Variants in LCORL observed in about 807,000 individuals in gnomAD.
LCORL encodes the protein ligand dependent nuclear receptor corepressor like.
A neutral mutation model predicts 141.8 loss-of-function variants in LCORL; 41 were observed. That is an observed-to-expected ratio of 0.29 (90% confidence interval 0.23 to 0.38). The LOEUF is 0.38. LCORL is among the 10% of genes least tolerant of loss of function. The pLI, the probability that LCORL is intolerant of heterozygous loss-of-function variation, is 1.00. For missense variants in LCORL, 1,759 were observed against 2,035.0 expected (o/e 0.86, Z 2.61); for synonymous variants, 618 against 694.1 (o/e 0.89, Z 1.72).
chr4:17,878,809 A>C (rs565165519), intron 6 of LCORL, among the ~76,000 whole-genome samples: 1 of 151,328 alleles, frequency 6.6e-6, no homozygotes, highest in Non-Finnish European at 1.5e-5. Context: ...GTTAAATACT[A>C]AAGTAATTTC....
At chr4:17,914,664 TC>T (rs1733112653) in intron 4 of LCORL, among the ~76,000 whole-genome samples, 1 of 152,144 alleles carries the variant, frequency 6.6e-6, no homozygotes, top group Non-Finnish European at 1.5e-5. Context: ...TAACTGAAGA[TC>T]TAGATGTAGG....
intron 7 of LCORL, among the ~76,000 whole-genome samples, chr4:17,852,965 T>A (rs11945055): frequency 0.2 from 30,654 of 151,550 alleles, 3,660 homozygotes; most frequent in African/African-American, 0.33. Context: ...CTTACAGGAA[T>A]CAAATTTTGG....
At chr4:17,980,825 G>A (rs960865325) in intron 1 of LCORL, among the ~76,000 whole-genome samples, 23 of 152,116 alleles carry the variant, frequency 1.5e-4, no homozygotes, top group African/African-American at 5.6e-4. Flanking sequence ...ATTCTCACAG[G>A]AGCGTGAGCC....
At chr4:17,991,361 T>A (rs1337321698) in intron 1 of LCORL, among the ~76,000 whole-genome samples, 2 of 152,224 alleles carry the variant, frequency 1.3e-5, no homozygotes, top group African/African-American at 4.8e-5. Context: ...CATTAATATC[T>A]GTTCATCTTT....
At chr4:17,938,035 G>A (rs1253429509) in intron 4 of LCORL, among the ~76,000 whole-genome samples, 6 of 120,400 alleles carry the variant, frequency 5.0e-5, no homozygotes, top group Non-Finnish European at 9.7e-5. Context: ...ACAGAGTTTC[G>A]CTCTTGTTTG....
chr4:17,901,710 G>C (rs1161580310), intron 5 of LCORL, among the ~76,000 whole-genome samples: 2 of 151,808 alleles, frequency 1.3e-5, no homozygotes, highest in African/African-American at 4.8e-5. Context: ...AATAGCAGTA[G>C]AGTATATAAC....
At chr4:18,007,142 C>T (rs1211375989) in intron 1 of LCORL, among the ~76,000 whole-genome samples, 3 of 152,040 alleles carry the variant, frequency 2.0e-5, no homozygotes, top group Non-Finnish European at 2.9e-5. Flanking sequence ...CTTATAAAAC[C>T]ACAAATTAAA....
At chr4:17,860,953 T>C (rs928392198) in intron 7 of LCORL, among the ~76,000 whole-genome samples, 1 of 152,196 alleles carries the variant, frequency 6.6e-6, no homozygotes, top group African/African-American at 2.4e-5. Flanking sequence ...CTTGGGCAGC[T>C]CCACCCCTGT....
At chr4:17,974,954 C>T (rs914063852) in intron 1 of LCORL, among the ~76,000 whole-genome samples, 5 of 151,958 alleles carry the variant, frequency 3.3e-5, no homozygotes, top group East Asian at 1.9e-4. Context: ...GTTTAGGTAT[C>T]GTCTCTCCTT....
At chr4:17,935,681 G>C (rs959505) in intron 4 of LCORL, among the ~76,000 whole-genome samples, 146,487 of 152,224 alleles carry the variant, frequency 0.96, 70,716 homozygotes, top group East Asian at 1. Flanking sequence ...ATAAGCTCCC[G>C]GAGGCCCTCA....
chr4:18,001,103 C>T (rs1256184682), intron 1 of LCORL, among the ~76,000 whole-genome samples: 9 of 152,050 alleles, frequency 5.9e-5, no homozygotes, highest in Non-Finnish European at 1.3e-4. Flanking sequence ...CCTAGGTGTT[C>T]GAAGCTGCAG....
At chr4:17,950,407 C>T (rs1424980591) in intron 4 of LCORL, among the ~76,000 whole-genome samples, 4 of 152,264 alleles carry the variant, frequency 2.6e-5, no homozygotes, top group South Asian at 2.1e-4. Flanking sequence ...GTCATTAACG[C>T]AGCCTATAGA....
chr4:17,916,591 T>C (rs1733452000), intron 4 of LCORL, among the ~76,000 whole-genome samples: 1 of 152,104 alleles, frequency 6.6e-6, no homozygotes, highest in Non-Finnish European at 1.5e-5. Flanking sequence ...GGTGTCATGC[T>C]TGCACAGACT....
rs1724491985 is a variant in LCORL, at chr4:17,857,417, T to C, written c.5603-11516A>G. 2.0e-5 allele frequency among the ~76,000 whole-genome samples: 3 copies of C among 152,310 alleles called. No individual in the cohort carries two copies. In the South Asian group the frequency reaches 6.2e-4, roughly 32 times the overall value. On this transcript the variant is annotated intron_variant, in intron 7 of 7. Transcript: ENST00000635767. ...AGGTAATAATTTTCTGGAGGCTATA[T>C]ATAGCTGGATATAATTGACCTTCTG...
chr4:17,953,186 G>A (rs925393667), intron 4 of LCORL, among the ~76,000 whole-genome samples: 1 of 152,158 alleles, frequency 6.6e-6, no homozygotes, highest in African/African-American at 2.4e-5. Flanking sequence ...TTGCTATTGT[G>A]AATAGTCCTG....
chr4:17,870,880 A>C (rs1193928377), intron 7 of LCORL, among the ~76,000 whole-genome samples: 1 of 152,166 alleles, frequency 6.6e-6, no homozygotes, highest in Non-Finnish European at 1.5e-5. Flanking sequence ...GTGAAGTATA[A>C]ATTTAAAAAC....
intron 4 of LCORL, among the ~76,000 whole-genome samples, chr4:17,929,664 T>C (rs905595551): frequency 2.0e-5 from 3 of 152,146 alleles, no homozygotes; most frequent in Admixed American, 6.6e-5. Context: ...ATAAAACTCT[T>C]AGAAGACATA....
chr4:18,008,450 GT>G (rs1333574397), intron 1 of LCORL, among the ~76,000 whole-genome samples: 1 of 152,146 alleles, frequency 6.6e-6, no homozygotes, highest in Non-Finnish European at 1.5e-5. Flanking sequence ...CACTACTAAA[GT>G]TTTAGATGTA....
intron 5 of LCORL, among the ~76,000 whole-genome samples, chr4:17,900,056 C>T (rs979532): frequency 0.73 from 111,448 of 151,936 alleles, 41,150 homozygotes; most frequent in South Asian, 0.85. Flanking sequence ...TTGTAAAAAA[C>T]TGAATGGCAA....
Sources: allele counts gnomAD v4.1 joint callset (sites outside exome capture counted in the v4.1 genomes callset), GRCh38; gene constraint gnomAD v4.1.1; transcripts MANE v1.5; gene names NCBI Gene and HGNC (gene_info 2026-07-23, HGNC 2026-07-21).